The following KCNJ16 variants were observed in gnomAD, a reference collection of about 807,000 sequenced individuals.
The protein encoded by KCNJ16 is inward rectifier potassium channel 16.
KCNJ16 carries 15 observed loss-of-function variants against 18.5 expected under a neutral mutation model. That is an observed-to-expected ratio of 0.81 (90% CI 0.54 to 1.25). The LOEUF (loss-of-function observed/expected upper bound fraction) is 1.25, where lower values mean the gene tolerates loss of function less well. KCNJ16 is among the 50% of genes most tolerant of loss of function. The pLI is 0.00. For synonymous variants in KCNJ16, 174 were observed against 186.5 expected, an observed-to-expected ratio of 0.93 and a Z score of 0.55; for missense variants, 523 against 525.7, an observed-to-expected ratio of 0.99 and a Z score of 0.05.
At chr17:70,096,982 T>G (rs2072406032) in intron 1 of KCNJ16, 1 of 398,174 alleles carries the variant, frequency 2.5e-6, no homozygotes, top group Non-Finnish European at 4.4e-6. Context: ...AAATTTTCTC[T>G]ATTCTCTTTT....
intron 1 of KCNJ16, among the ~76,000 whole-genome samples, chr17:70,085,838 A>G (rs1351488957): frequency 6.6e-6 from 1 of 152,210 alleles, no homozygotes; most frequent in Non-Finnish European, 1.5e-5. Context: ...CCAGCATAAG[A>G]ATTTGTTATT....
chr17:70,111,420 A>G (rs1044938442), intron 2 of KCNJ16, among the ~76,000 whole-genome samples: 3 of 152,138 alleles, frequency 2.0e-5, no homozygotes, highest in Admixed American at 2.0e-4. Flanking sequence ...AACCTTGATT[A>G]GCATCATAGA....
intron 1 of KCNJ16, among the ~76,000 whole-genome samples, chr17:70,091,609 A>G (rs1050865614): frequency 2.6e-5 from 4 of 151,462 alleles, no homozygotes; most frequent in Non-Finnish European, 5.9e-5. Flanking sequence ...ACACATACAC[A>G]CACACACACA....
intron 2 of KCNJ16, chr17:70,128,057 A>G (rs550470012): frequency 2.0e-5 from 3 of 152,328 alleles, no homozygotes; most frequent in South Asian, 4.1e-4. Context: ...GCAATCTACA[A>G]GAGGAGTTTA....
chr17:70,127,511 A>G (rs1479428071), intron 2 of KCNJ16, among the ~76,000 whole-genome samples: 2 of 151,996 alleles, frequency 1.3e-5, no homozygotes, highest in Non-Finnish European at 1.5e-5. Flanking sequence ...GCATTGTCCT[A>G]ACTCTTAATA....
chr17:70,081,365 G>T (rs1032019088), intron 1 of KCNJ16, among the ~76,000 whole-genome samples: 18 of 152,128 alleles, frequency 1.2e-4, no homozygotes, highest in Admixed American at 1.0e-3. Flanking sequence ...TTATTTAACT[G>T]TATTAGATAA....
chr17:70,092,449 G>A (rs2049555639), intron 1 of KCNJ16, among the ~76,000 whole-genome samples: 1 of 151,886 alleles, frequency 6.6e-6, no homozygotes, highest in Non-Finnish European at 1.5e-5. Context: ...ATATGTACTA[G>A]TCCATTGTAT....
At position 70,086,905 on chromosome 17, in the gene KCNJ16, T is replaced by G. The variant is rs1324494744; in HGVS notation, c.-300+11515T>G. ...ATCAATTGTCACATTTTATTATTTA[T>G]TTATTTATTTCAAGACAGAGTCTCA... is the stretch of plus-strand genomic sequence containing the variant. On this transcript the variant is annotated intron_variant, in intron 1 of 3. Coordinates refer to ENST00000392671, the MANE Select transcript of KCNJ16 (RefSeq NM_170741.4). Among the ~76,000 whole-genome samples, 3 of 152,228 alleles carry G rather than the reference T, an allele frequency of 2.0e-5. 1 individual carries two copies. The highest frequency in any genetic ancestry group is 4.2e-4 in the South Asian group (2 of 4,806).
At chr17:70,098,919 G>A (rs888261014) in intron 1 of KCNJ16, among the ~76,000 whole-genome samples, 1 of 152,184 alleles carries the variant, frequency 6.6e-6, no homozygotes, top group African/African-American at 2.4e-5. Context: ...CAAATTCTAA[G>A]TGCCTGAGCC....
intron 1 of KCNJ16, among the ~76,000 whole-genome samples, chr17:70,084,131 T>C (rs1042293583): frequency 2.0e-5 from 3 of 152,102 alleles, no homozygotes; most frequent in African/African-American, 7.2e-5. Flanking sequence ...GAGCACCTTG[T>C]GCCCTACAGT....
At position 70,085,532 on chromosome 17, in the gene KCNJ16, G is replaced by A. The variant is rs575327602; in HGVS notation, c.-300+10142G>A. 2.3e-3 allele frequency among the ~76,000 whole-genome samples: 350 copies of A among 152,192 alleles called. 1 individual carries two copies. The highest frequency in any genetic ancestry group is 4.2e-3 in the Non-Finnish European group (285 of 67,994). On this transcript the variant is annotated intron_variant, in intron 1 of 3. Transcript: ENST00000392671. ...TAAATTCATATCTGTGTTATTACTGGAGATGCTAAGTTATATTAACACGTT... is the reference window on the plus strand; with the variant it reads ...TAAATTCATATCTGTGTTATTACTGAAGATGCTAAGTTATATTAACACGTT...
intron 1 of KCNJ16, among the ~76,000 whole-genome samples, chr17:70,085,790 T>C (rs1424263848): frequency 6.6e-6 from 1 of 152,180 alleles, no homozygotes; most frequent in African/African-American, 2.4e-5. Flanking sequence ...CCACAGAGAA[T>C]ATCTTCACTT....
intron 1 of KCNJ16, among the ~76,000 whole-genome samples, chr17:70,091,418 A>G (rs1159320562): frequency 1.3e-5 from 2 of 152,156 alleles, no homozygotes; most frequent in African/African-American, 2.4e-5. Context: ...CCCTCCTCCA[A>G]CACAGTGCAG....
chr17:70,129,271 G>C (rs1481773372), intron 2 of KCNJ16, among the ~76,000 whole-genome samples: 1 of 152,198 alleles, frequency 6.6e-6, no homozygotes, highest in East Asian at 1.9e-4. Context: ...CACTTTTAAG[G>C]CTGAGTTTTA....
intron 2 of KCNJ16, among the ~76,000 whole-genome samples, chr17:70,125,212 G>A (rs568470933): frequency 6.6e-6 from 1 of 151,944 alleles, no homozygotes; most frequent in African/African-American, 2.4e-5. Context: ...CAAGGCTGCA[G>A]TGAGCTCGGA....
chr17:70,125,197 G>A (rs2073809765), intron 2 of KCNJ16, among the ~76,000 whole-genome samples: 1 of 151,762 alleles, frequency 6.6e-6, no homozygotes, highest in Non-Finnish European at 1.5e-5. Flanking sequence ...TTCAGCTCAT[G>A]AGATCAAGGC....
intron 2 of KCNJ16, among the ~76,000 whole-genome samples, chr17:70,126,545 C>T (rs1317145268): frequency 2.0e-5 from 3 of 152,178 alleles, no homozygotes; most frequent in African/African-American, 7.2e-5. Context: ...ACATAGGTAT[C>T]ATAACCTTAT....
chr17:70,114,771 G>A lies in KCNJ16; in HGVS notation c.-191+14005G>A, dbSNP rs533577765. Among the ~76,000 whole-genome samples, 13 of 152,158 alleles carry A rather than the reference G, an allele frequency of 8.5e-5. No individual in the cohort carries two copies. In the East Asian group the frequency reaches 1.7e-3, roughly 20 times the overall value. On this transcript the variant is annotated intron_variant, in intron 2 of 3. Coordinates refer to ENST00000392671, the MANE Select transcript of KCNJ16 (RefSeq NM_170741.4). ...AATTGCCAATTTTATAATTAATGGC[G>A]GGGGAAAAAAATGCCAGTTAACTCT...
chr17:70,081,915 T>C (rs71375768), intron 1 of KCNJ16, among the ~76,000 whole-genome samples: 1 of 152,154 alleles, frequency 6.6e-6, no homozygotes, highest in Non-Finnish European at 1.5e-5. Flanking sequence ...GTGGACCTGG[T>C]TATTTTAGAC....
Sources: gnomAD v4.1 joint callset for allele counts (sites outside exome capture counted in the v4.1 genomes callset) on GRCh38, gnomAD v4.1.1 for gene constraint, MANE v1.5 for transcripts, NCBI Gene and HGNC (gene_info 2026-07-23, HGNC 2026-07-21) for gene names.